Variants in EMSY observed in about 807,000 individuals in gnomAD.
The protein encoded by EMSY is BRCA2-interacting transcriptional repressor EMSY.
A neutral mutation model predicts 134.6 loss-of-function variants in EMSY; 26 were observed. The ratio of observed to expected loss-of-function variants is 0.19; its 90% CI spans 0.14 to 0.27. The LOEUF (loss-of-function observed/expected upper bound fraction) is 0.27. EMSY is among the 10% of genes least tolerant of loss of function. The probability of loss-of-function intolerance (pLI) is 1.00; values close to 1 mark genes in which losing one functional copy is unlikely to be tolerated. For synonymous variants in EMSY, 579 were observed against 577.8 expected, an observed-to-expected ratio of 1.00 and a Z score of -0.03; for missense variants, 1,305 against 1,611.4, an observed-to-expected ratio of 0.81 and a Z score of 3.26.
chr11:76,472,947 A>G, intron 8 of EMSY, 107 bp downstream of exon 9: 1 of 1,216,024 alleles, frequency 8.2e-7, no homozygotes, highest in East Asian at 2.4e-5. Context: ...CCCTACTATT[A>G]GACCCAAGAT....
At chr11:76,506,088 T>C (rs1337190530) in intron 9 of EMSY, among the ~76,000 whole-genome samples, 1 of 151,814 alleles carries the variant, frequency 6.6e-6, no homozygotes, top group African/African-American at 2.4e-5. Flanking sequence ...CTGGTGTACT[T>C]AAGCCTGGGC....
exon 10 of EMSY, chr11:76,513,441 G>A: frequency 6.2e-7 from 1 of 1,613,694 alleles, no homozygotes; most frequent in Non-Finnish European, 8.5e-7. Context: ...CCAAACCAGT[G>A]ACAGCAACTC....
chr11:76,531,903 T>G (rs773776641), intron 14 of EMSY, among the ~76,000 whole-genome samples: 1 of 152,156 alleles, frequency 6.6e-6, no homozygotes, highest in Admixed American at 6.5e-5. Flanking sequence ...TTGATTCCAC[T>G]TGTGGTTTCT....
At chr11:76,518,712 T>TTTTTG (rs1157649130) in intron 11 of EMSY, among the ~76,000 whole-genome samples, 3 of 147,112 alleles carry the variant, frequency 2.0e-5, no homozygotes, top group African/African-American at 7.4e-5. Context: ...TATTTTTTTT[T>TTTTTG]TAATTGGGAT....
At chr11:76,468,280 G>A (rs958763727) in intron 7 of EMSY, among the ~76,000 whole-genome samples, 2 of 151,944 alleles carry the variant, frequency 1.3e-5, no homozygotes, top group African/African-American at 4.8e-5. Flanking sequence ...CATACCATGA[G>A]AGTTCAGGTT....
intron 9 of EMSY, among the ~76,000 whole-genome samples, chr11:76,508,730 T>G (rs1446364539): frequency 6.6e-6 from 1 of 152,240 alleles, no homozygotes; most frequent in Non-Finnish European, 1.5e-5. Context: ...ACTGGATAAC[T>G]TGCTACAGCT....
chr11:76,457,693 T>A (rs1348909463), intron 4 of EMSY, among the ~76,000 whole-genome samples: 1 of 152,214 alleles, frequency 6.6e-6, no homozygotes, highest in African/African-American at 2.4e-5. Flanking sequence ...TCAGTTTCCC[T>A]TGTTTGAAAG....
chr11:76,549,980 A>T (rs780274513), exon 21 of EMSY: 1 of 1,612,052 alleles, frequency 6.2e-7, no homozygotes, highest in South Asian at 1.1e-5. Context: ...ATTCCTTGTC[A>T]CTCCAGCTCC....
At chr11:76,543,558 C>G (rs1951526036) in intron 18 of EMSY, among the ~76,000 whole-genome samples, 1 of 152,162 alleles carries the variant, frequency 6.6e-6, no homozygotes, top group African/African-American at 2.4e-5. Flanking sequence ...CCGTGTCACT[C>G]AAGATGATGC....
chr11:76,497,681 G>A (rs1041345312), intron 9 of EMSY, among the ~76,000 whole-genome samples: 3 of 152,068 alleles, frequency 2.0e-5, no homozygotes, highest in Middle Eastern at 3.4e-3. Context: ...CTATAGGATC[G>A]ATATTAATGT....
chr11:76,530,705 C>T (rs182494060), intron 14 of EMSY, among the ~76,000 whole-genome samples: 27 of 152,214 alleles, frequency 1.8e-4, no homozygotes, highest in African/African-American at 4.8e-4. Flanking sequence ...CTCCCCTTAT[C>T]GCCTTGTATA....
chr11:76,466,537 A>G (rs942114024), intron 7 of EMSY, among the ~76,000 whole-genome samples: 2 of 152,204 alleles, frequency 1.3e-5, no homozygotes, highest in East Asian at 1.9e-4. Context: ...GAAGGACTGG[A>G]GGTAAATTCT....
intron 14 of EMSY, among the ~76,000 whole-genome samples, chr11:76,530,559 G>T (rs1490237719): frequency 6.6e-6 from 1 of 152,036 alleles, no homozygotes; most frequent in Non-Finnish European, 1.5e-5. Flanking sequence ...ACTTTTAATG[G>T]CAAAACTGCA....
At chr11:76,542,231 A>G in exon 18 of EMSY, 1 of 1,614,188 alleles carries the variant, frequency 6.2e-7, no homozygotes, top group Non-Finnish European at 8.5e-7. Context: ...CATCGCTCCC[A>G]GCCCCAACAG....
exon 7 of EMSY, chr11:76,463,976 A>G (rs1273613636): frequency 6.2e-7 from 1 of 1,614,210 alleles, no homozygotes; most frequent in East Asian, 2.2e-5. Context: ...CAAGATGAGC[A>G]ACATCATGCA....
exon 4 of EMSY, chr11:76,453,338 T>C: frequency 6.2e-7 from 1 of 1,613,044 alleles, no homozygotes; most frequent in Non-Finnish European, 8.5e-7. Flanking sequence ...GCCACCGTGC[T>C]GAAGTTCGGA....
intron 19 of EMSY, 114 bp downstream of exon 20, chr11:76,544,936 A>G: frequency 8.5e-7 from 1 of 1,181,324 alleles, no homozygotes; most frequent in Non-Finnish European, 1.2e-6. Flanking sequence ...GAGGAAACCC[A>G]AAAGCCTCAT....
intron 8 of EMSY, among the ~76,000 whole-genome samples, chr11:76,491,225 A>G (rs1949412704): frequency 6.8e-6 from 1 of 148,046 alleles, no homozygotes. Context: ...CTGGCACCTA[A>G]GCTGGAGTAT....
chr11:76,452,012 A>T, intron 3 of EMSY, 55 bp downstream of exon 3: 1 of 1,131,126 alleles, frequency 8.8e-7, no homozygotes, highest in Non-Finnish European at 1.2e-6. Flanking sequence ...GGGGGATTTT[A>T]TTACTTATCA....
Sources: gnomAD v4.1 joint callset for allele counts (sites outside exome capture counted in the v4.1 genomes callset) on GRCh38, gnomAD v4.1.1 for gene constraint, MANE v1.5 for transcripts, NCBI Gene and HGNC (gene_info 2026-07-23, HGNC 2026-07-21) for gene names.